DAB1: variants seen among roughly 807,000 people sequenced by gnomAD.
The protein encoded by DAB1 is disabled homolog 1.
Under a neutral mutation model 64.6 loss-of-function variants are expected in DAB1, and 15 were observed. The ratio of observed to expected loss-of-function variants is 0.23; its 90% CI spans 0.16 to 0.36. The LOEUF is 0.36. Ranked by LOEUF, DAB1 falls within the 10% of genes least tolerant of loss-of-function variation. The probability of loss-of-function intolerance (pLI) is 1.00; values close to 1 mark genes in which losing one functional copy is unlikely to be tolerated. For missense variants in DAB1, 596 were observed against 706.7 expected, an observed-to-expected ratio of 0.84 and a Z score of 1.78; for synonymous variants, 235 against 251.9, an observed-to-expected ratio of 0.93 and a Z score of 0.64.
At chr1:57,526,289 T>C (rs1644592948) in intron 7 of DAB1, among the ~76,000 whole-genome samples, 2 of 152,150 alleles carry the variant, frequency 1.3e-5, no homozygotes. Context: ...TTACCTAGTA[T>C]GGTAGGGACT....
intron 5 of DAB1, among the ~76,000 whole-genome samples, chr1:58,133,434 A>G (rs1653760393): frequency 6.6e-6 from 1 of 152,122 alleles, no homozygotes; most frequent in Admixed American, 6.5e-5. Flanking sequence ...TCTCTGGGTT[A>G]TCTTTCATAA....
At chr1:57,431,143 C>CAAAAAAAAAAAAA (rs77701798) in intron 7 of DAB1, among the ~76,000 whole-genome samples, 22 of 96,282 alleles carry the variant, frequency 2.3e-4, no homozygotes, top group African/African-American at 5.5e-4. Flanking sequence ...AGGCCAAAAA[C>CAAAAAAAAAAAAA]AAAAAAAAAA....
chr1:57,757,140 G>T (rs891227458), intron 6 of DAB1, among the ~76,000 whole-genome samples: 4 of 149,674 alleles, frequency 2.7e-5, no homozygotes, highest in African/African-American at 9.7e-5. Flanking sequence ...TGGAGCCTGA[G>T]ATTCTGCATT....
chr1:58,417,799 A>G (rs150865311), intron 3 of DAB1, among the ~76,000 whole-genome samples: 2 of 152,342 alleles, frequency 1.3e-5, no homozygotes, highest in East Asian at 3.9e-4. Flanking sequence ...GTAGCAAGCA[A>G]TGGGTGAGTT....
intron 3 of DAB1, among the ~76,000 whole-genome samples, chr1:58,419,235 C>G (rs1644749926): frequency 6.6e-6 from 1 of 152,178 alleles, no homozygotes; most frequent in Non-Finnish European, 1.5e-5. Flanking sequence ...CATCTAGGGT[C>G]AAATCCTAGT....
intron 4 of DAB1, among the ~76,000 whole-genome samples, chr1:57,116,960 C>A (rs1483829596): frequency 6.6e-6 from 1 of 152,140 alleles, no homozygotes. Context: ...GTTACTTCAT[C>A]CCGGCACTCT....
intron 5 of DAB1, among the ~76,000 whole-genome samples, chr1:57,915,886 C>A (rs1334565762): frequency 6.6e-6 from 1 of 152,096 alleles, no homozygotes; most frequent in Non-Finnish European, 1.5e-5. Flanking sequence ...CTGCCATCAA[C>A]CAGAAACAGC....
intron 1 of DAB1, among the ~76,000 whole-genome samples, chr1:58,546,106 A>G (rs974040242): frequency 6.6e-6 from 1 of 152,250 alleles, no homozygotes; most frequent in Non-Finnish European, 1.5e-5. Flanking sequence ...TAAACAGTAT[A>G]CAGTGAGTTC....
chr1:57,537,296 C>T (rs1181546845), intron 7 of DAB1, among the ~76,000 whole-genome samples: 4 of 152,234 alleles, frequency 2.6e-5, no homozygotes, highest in South Asian at 2.1e-4. Flanking sequence ...AAGAGAGATT[C>T]CAGGTCTCCA....
intron 7 of DAB1, among the ~76,000 whole-genome samples, chr1:57,581,338 A>T (rs1252529087): frequency 6.6e-6 from 1 of 152,200 alleles, no homozygotes; most frequent in African/African-American, 2.4e-5. Context: ...GTTCTTTAAA[A>T]TTTTTTTAAA....
chr1:57,260,497 A>G (rs970220153), intron 2 of DAB1, among the ~76,000 whole-genome samples: 1 of 152,242 alleles, frequency 6.6e-6, no homozygotes, highest in Non-Finnish European at 1.5e-5. Context: ...TAGAGCCACA[A>G]ATCAAACATG....
At position 57,015,170 on chromosome 1, in the gene DAB1, G is replaced by C. The variant is rs1246699178; in HGVS notation, c.1157C>G (p.Pro386Arg). Residue 386 changes from proline to arginine, a missense_variant, in exon 12 of 15, where the codon CCC becomes CGC. Pro to Arg is a moderately radical substitution (Grantham distance 103, BLOSUM62 -2). Around this residue, in one of 3 missense-constraint regions of DAB1, gnomAD observed 377 missense variants for 400.4 expected, o/e 0.94. Transcript: ENST00000371236. ...PAAMFQGPLT[P>R]LATVPGTSDS... ...ACTCGTGCCTGGGACGGTGGCAAGG[G>C]GGGTGAGGGGACCTTGGAACATGGC... 5 of 1,614,020 alleles carry C rather than the reference G, an allele frequency of 3.1e-6. No individual in the cohort carries two copies. Among genetic ancestry groups the C allele is most frequent in the Non-Finnish European group, 4.2e-6 (5 of 1,180,014 alleles).
At chr1:57,834,072 T>C (rs1652704673) in intron 1 of DAB1, among the ~76,000 whole-genome samples, 1 of 152,236 alleles carries the variant, frequency 6.6e-6, no homozygotes, top group Admixed American at 6.5e-5. Context: ...TGGAATATTT[T>C]GCAGTCTAAT....
chr1:57,887,781 G>GAA (rs201354423), upstream of DAB1, among the ~76,000 whole-genome samples: 979 of 152,288 alleles, frequency 6.4e-3, 12 homozygotes, highest in African/African-American at 0.022. Context: ...AATCCCAAAT[G>GAA]AATATAATCT....
intron 5 of DAB1, among the ~76,000 whole-genome samples, chr1:58,127,380 T>C (rs1653183600): frequency 6.6e-6 from 1 of 151,920 alleles, no homozygotes; most frequent in Non-Finnish European, 1.5e-5. Flanking sequence ...GATGAGTAGG[T>C]TGCGAAAATT....
intron 5 of DAB1, among the ~76,000 whole-genome samples, chr1:57,938,048 G>A (rs1296569662): frequency 6.6e-6 from 1 of 152,218 alleles, no homozygotes; most frequent in Non-Finnish European, 1.5e-5. Flanking sequence ...TGGGCCTCTA[G>A]CTGTGACTTG....
intron 2 of DAB1, among the ~76,000 whole-genome samples, chr1:57,207,627 T>G (rs1021263777): frequency 6.7e-6 from 1 of 150,054 alleles, no homozygotes; most frequent in Admixed American, 6.7e-5. Context: ...GTATTTTTAG[T>G]AGAGACGGGG....
At chr1:58,329,217 A>G (rs1192884600) in intron 4 of DAB1, among the ~76,000 whole-genome samples, 1 of 152,236 alleles carries the variant, frequency 6.6e-6, no homozygotes, top group East Asian at 1.9e-4. Context: ...AATAACCACT[A>G]CATGAATTTT....
intron 1 of DAB1, among the ~76,000 whole-genome samples, chr1:57,833,046 C>A (rs1432562647): frequency 7.0e-6 from 1 of 141,852 alleles, no homozygotes; most frequent in African/African-American, 2.7e-5. Flanking sequence ...AATAAGTGAG[C>A]CTGGGAAGGA....
Sources: allele counts gnomAD v4.1 joint callset (sites outside exome capture counted in the v4.1 genomes callset), GRCh38; gene constraint gnomAD v4.1.1; regional missense constraint gnomAD v4.1.1; transcripts MANE v1.5; gene names NCBI Gene and HGNC (gene_info 2026-07-23, HGNC 2026-07-21).